ARHGAP10: variants seen among roughly 807,000 people sequenced by gnomAD.
ARHGAP10 encodes the protein Rho GTPase activating protein 10, also known as rho GTPase-activating protein 10.
In ARHGAP10, 87 loss-of-function variants were observed where a neutral mutation model predicts 108.6. The observed-to-expected ratio is 0.80, with a 90% CI of 0.67 to 0.96. The LOEUF is 0.96. Ranked by LOEUF, ARHGAP10 falls within the 40% of genes least tolerant of loss-of-function variation. The pLI, the probability that ARHGAP10 is intolerant of heterozygous loss-of-function variation, is 0.00. For synonymous variants in ARHGAP10, 347 were observed against 341.1 expected, an observed-to-expected ratio of 1.02 and a Z score of -0.19; for missense variants, 939 against 954.5, an observed-to-expected ratio of 0.98 and a Z score of 0.21.
intron 10 of ARHGAP10, among the ~76,000 whole-genome samples, chr4:147,882,179 G>A (rs76262383): frequency 0.042 from 6,422 of 151,926 alleles, 424 homozygotes; most frequent in African/African-American, 0.15. Flanking sequence ...AATAACCTTG[G>A]AGGCCAGGTG....
intron 10 of ARHGAP10, among the ~76,000 whole-genome samples, chr4:147,892,278 G>C (rs892376197): frequency 2.0e-5 from 3 of 152,170 alleles, no homozygotes; most frequent in African/African-American, 4.8e-5. Context: ...GCATGATGCT[G>C]TACCGTTTCT....
chr4:148,038,142 T>A (rs114769969), intron 19 of ARHGAP10, among the ~76,000 whole-genome samples: 1 of 152,180 alleles, frequency 6.6e-6, no homozygotes, highest in Admixed American at 6.5e-5. Flanking sequence ...CAGACTTTAT[T>A]TTAGCAGAGT....
At chr4:147,812,145 T>G (rs1327554941) in intron 1 of ARHGAP10, among the ~76,000 whole-genome samples, 2 of 152,126 alleles carry the variant, frequency 1.3e-5, no homozygotes, top group African/African-American at 4.8e-5. Flanking sequence ...TCTCGAGGAC[T>G]TGGATGAACT....
At chr4:147,782,981 A>C (rs1047981991) in intron 1 of ARHGAP10, among the ~76,000 whole-genome samples, 5 of 141,052 alleles carry the variant, frequency 3.5e-5, no homozygotes, top group Admixed American at 1.5e-4. Flanking sequence ...ATTATATATT[A>C]TATAAATTAT....
At chr4:148,050,942 G>A (rs560128822) in intron 20 of ARHGAP10, among the ~76,000 whole-genome samples, 1 of 152,178 alleles carries the variant, frequency 6.6e-6, no homozygotes, top group African/African-American at 2.4e-5. Flanking sequence ...TTAATAGGAG[G>A]CAATGCCTTT....
At chr4:147,990,260 G>A (rs150319865) in intron 18 of ARHGAP10, among the ~76,000 whole-genome samples, 5 of 152,302 alleles carry the variant, frequency 3.3e-5, no homozygotes, top group Admixed American at 6.5e-5. Flanking sequence ...GTAGGTAAGC[G>A]TTTGCACAAA....
In ARHGAP10 at chr4:148,063,105, G is replaced by A. The variant is rs955930581; in HGVS notation, c.2028-43G>A. ...GATGTTGTGCATTTCGTGTTCTGTG[G>A]CCTTTCTGCTATTAATCCTGTCCTT... On this transcript the variant is annotated intron_variant, in intron 20 of 22. Transcript: ENST00000336498. 10 of 1,607,486 alleles carry A rather than the reference G, an allele frequency of 6.2e-6. No individual in the cohort carries two copies. The Middle Eastern group carries it at 5.0e-4, about 80-fold the overall frequency.
At chr4:147,786,489 C>A (rs768838949) in intron 1 of ARHGAP10, among the ~76,000 whole-genome samples, 1 of 152,072 alleles carries the variant, frequency 6.6e-6, no homozygotes, top group African/African-American at 2.4e-5. Context: ...TCCGCTTTTT[C>A]ATTGATCTCT....
At chr4:148,016,719 G>C (rs1194133988) in intron 18 of ARHGAP10, among the ~76,000 whole-genome samples, 1 of 152,028 alleles carries the variant, frequency 6.6e-6, no homozygotes, top group Non-Finnish European at 1.5e-5. Context: ...GCCACAGATT[G>C]AGGGCTTAGT....
At chr4:147,847,927 C>G (rs940486184) in intron 4 of ARHGAP10, among the ~76,000 whole-genome samples, 1 of 152,192 alleles carries the variant, frequency 6.6e-6, no homozygotes. Context: ...TTCCACCGGT[C>G]TTTCCTGAAT....
intron 5 of ARHGAP10, chr4:147,861,299 G>T (rs1734310955): frequency 6.6e-6 from 1 of 152,470 alleles, no homozygotes; most frequent in Non-Finnish European, 1.5e-5. Context: ...TTCCATTGTG[G>T]GCACTGGGAA....
chr4:148,010,582 A>G (rs1405300913), intron 18 of ARHGAP10, among the ~76,000 whole-genome samples: 3 of 152,180 alleles, frequency 2.0e-5, no homozygotes, highest in African/African-American at 4.8e-5. Context: ...ATTTGAGACT[A>G]AGTTCCTTTA....
chr4:147,849,913 C>T (rs562342633), intron 4 of ARHGAP10, among the ~76,000 whole-genome samples: 17 of 152,302 alleles, frequency 1.1e-4, no homozygotes, highest in African/African-American at 4.1e-4. Context: ...GTTCAAAAAG[C>T]CCTTTTGCTA....
rs149994997 is a variant in ARHGAP10, at chr4:147,965,040, A to C, written c.1467A>C (p.Glu489Asp). ...FIVPAKSGSP[E>D]SRVNAIHFLV... ...TTTTGGAAGAAAGCGGCAGCCCAGAATCTCGTGTTAATGCGATCCATTTCT... is the reference window on the plus strand; with the variant it reads ...TTTTGGAAGAAAGCGGCAGCCCAGACTCTCGTGTTAATGCGATCCATTTCT... The change falls in exon 17 of 23, where the codon GAA becomes GAC. Residue 489 changes from glutamate (E) to aspartate (D), a missense_variant. Glu to Asp is a conservative substitution (Grantham distance 45, BLOSUM62 2). Coordinates refer to ENST00000336498, the MANE Select transcript of ARHGAP10 (RefSeq NM_024605.4). 9.7e-5 allele frequency: 154 copies of C among 1,580,450 alleles called. No homozygotes were observed. The African/African-American group carries it at 1.7e-3, about 18-fold the overall frequency.
chr4:148,021,447 A>C (rs1741564001), intron 18 of ARHGAP10, among the ~76,000 whole-genome samples: 2 of 152,190 alleles, frequency 1.3e-5, no homozygotes, highest in African/African-American at 4.8e-5. Flanking sequence ...CTTTGGATAT[A>C]CTGGCTGTGT....
intron 1 of ARHGAP10, among the ~76,000 whole-genome samples, chr4:147,789,008 A>G (rs1192456768): frequency 6.6e-6 from 1 of 152,218 alleles, no homozygotes. Context: ...TCTTCAGCTA[A>G]TGAAATTTTC....
chr4:147,833,911 T>G (rs907805213), intron 3 of ARHGAP10, among the ~76,000 whole-genome samples: 3 of 152,146 alleles, frequency 2.0e-5, no homozygotes, highest in Non-Finnish European at 4.4e-5. Context: ...ACCTCTCAGA[T>G]AGAGGAAGGA....
At chr4:147,913,247 C>A in intron 13 of ARHGAP10, 108 bp downstream of exon 13, 3 of 916,544 alleles carry the variant, frequency 3.3e-6, no homozygotes, top group African/African-American at 1.7e-5. Context: ...AACGTGTTAA[C>A]ACAAATGCTC....
intron 1 of ARHGAP10, among the ~76,000 whole-genome samples, chr4:147,793,505 G>A (rs775968077): frequency 1.3e-5 from 2 of 152,088 alleles, no homozygotes; most frequent in African/African-American, 2.4e-5. Context: ...GCCTTGAAAG[G>A]AGGAGTTGGA....
Sources: allele counts gnomAD v4.1 joint callset (sites outside exome capture counted in the v4.1 genomes callset), GRCh38; gene constraint gnomAD v4.1.1; transcripts MANE v1.5; gene names NCBI Gene and HGNC (gene_info 2026-07-23, HGNC 2026-07-21).